PLOD2: variants seen among roughly 807,000 people sequenced by gnomAD.
The protein encoded by PLOD2 is lysine hydroxylase 2.
PLOD2 carries 65 observed loss-of-function variants against 101.0 expected under a neutral mutation model. The ratio of observed to expected loss-of-function variants is 0.64; its 90% CI spans 0.53 to 0.79. The LOEUF (loss-of-function observed/expected upper bound fraction) is 0.79. Ranked by LOEUF, PLOD2 falls within the 30% of genes least tolerant of loss-of-function variation. The pLI, the probability that PLOD2 is intolerant of heterozygous loss-of-function variation, is 0.00. For missense variants in PLOD2, 909 were observed against 914.6 expected (o/e 0.99, Z 0.08); for synonymous variants, 314 against 302.9 (o/e 1.04, Z -0.38).
intron 1 of PLOD2, among the ~76,000 whole-genome samples, chr3:146,148,338 G>GCGCACACACACACACACA (rs71633958): frequency 6.8e-6 from 1 of 146,446 alleles, no homozygotes; most frequent in African/African-American, 2.5e-5. Flanking sequence ...AGGCAGGCAC[G>GCGCACACACACACACACA]CACACACACA....
At chr3:146,148,338 G>GCACGCACGCACACACACACACA (rs1553742438) in intron 1 of PLOD2, among the ~76,000 whole-genome samples, 2 of 146,448 alleles carry the variant, frequency 1.4e-5, no homozygotes, top group Non-Finnish European at 1.5e-5. Flanking sequence ...AGGCAGGCAC[G>GCACGCACGCACACACACACACA]CACACACACA....
intron 11 of PLOD2, among the ~76,000 whole-genome samples, chr3:146,082,543 T>C (rs1244094801): frequency 6.6e-6 from 1 of 152,188 alleles, no homozygotes; most frequent in East Asian, 1.9e-4. Flanking sequence ...ATTTCACCTC[T>C]ATCTTGTGAA....
intron 3 of PLOD2, among the ~76,000 whole-genome samples, chr3:146,117,062 C>T (rs993434804): frequency 3.3e-5 from 5 of 152,042 alleles, no homozygotes; most frequent in African/African-American, 7.2e-5. Flanking sequence ...GATGACTGCA[C>T]GACTCTGTAA....
At chr3:146,124,051 T>G in intron 2 of PLOD2, 87 bp downstream of exon 2, 1 of 773,810 alleles carries the variant, frequency 1.3e-6, no homozygotes, top group Non-Finnish European at 2.3e-6. Flanking sequence ...ATCTTCCTTG[T>G]GAGGATTACA....
rs190980504 is a variant in PLOD2 at position 146,131,589 on chromosome 3, C to A, written c.110-7360G>T. ...TCATTTCCTTTAATGTGAATTATGA[C>A]CTCAGGGTCAGTCTAGCAAAGCCCA... On this transcript the variant is annotated intron_variant, in intron 1 of 19. Transcript: ENST00000282903. 1.6e-4 allele frequency among the ~76,000 whole-genome samples: 25 copies of A among 152,288 alleles called. No individual in the cohort carries two copies. The East Asian group carries it at 3.1e-3, about 19-fold the overall frequency.
intron 1 of PLOD2, among the ~76,000 whole-genome samples, chr3:146,131,478 G>A (rs994784294): frequency 6.6e-6 from 1 of 152,212 alleles, no homozygotes; most frequent in Non-Finnish European, 1.5e-5. Context: ...AAGCTAGAGA[G>A]ATATAAAAAT....
At chr3:146,147,452 AG>A (rs1435066552) in intron 1 of PLOD2, among the ~76,000 whole-genome samples, 1 of 152,206 alleles carries the variant, frequency 6.6e-6, no homozygotes, top group Non-Finnish European at 1.5e-5. Flanking sequence ...TGAAATTAGA[AG>A]TGTGCCATCA....
chr3:146,098,630 A>G (rs1937283084), intron 7 of PLOD2, among the ~76,000 whole-genome samples: 1 of 152,132 alleles, frequency 6.6e-6, no homozygotes, highest in Non-Finnish European at 1.5e-5. Flanking sequence ...ATTTTTTCCA[A>G]TGGCATAAAA....
In PLOD2 at chr3:146,100,506, C is replaced by T. The variant is rs148546083; in HGVS notation, c.777+2249G>A. 6.6e-3 allele frequency among the ~76,000 whole-genome samples: 998 copies of T among 152,230 alleles called. 6 individuals are homozygous for T. The highest frequency in any genetic ancestry group is 0.014 in the South Asian group (67 of 4,822). On this transcript the variant is annotated intron_variant, in intron 7 of 19. Transcript: ENST00000282903. ...ATACAAGAGACCCAAAAAGTAAAGA[C>T]TACACTGACACCTAAAAGATAAGAA...
At chr3:146,154,942 T>C (rs540711065) in intron 1 of PLOD2, among the ~76,000 whole-genome samples, 15 of 152,310 alleles carry the variant, frequency 9.8e-5, no homozygotes, top group African/African-American at 3.4e-4. Flanking sequence ...AATGAAAATC[T>C]TCCTTTTGTG....
Position 146,160,985 on chromosome 3 carries a change from C to T in PLOD2, c.5G>A (p.Gly2Glu). Reference protein sequence around the residue: MGGCTVKPQLLL... With the variant: MEGCTVKPQLLL... Reference sequence around the variant, plus strand: ...CAGCTGAGGCTTCACCGTGCATCCCCCCATATTCGGCCCTCGAGGGCCGCG... The same window carrying T: ...CAGCTGAGGCTTCACCGTGCATCCCTCCATATTCGGCCCTCGAGGGCCGCG... Residue 2 changes from glycine to glutamate, a missense_variant, in exon 1 of 20, where the codon GGG (glycine) becomes GAG (glutamate). By Grantham distance (98) the Gly-to-Glu change is moderately conservative (BLOSUM62 -2). Transcript: ENST00000282903. The T allele has an allele frequency of 6.3e-7, 1 of 1,577,402 alleles. No homozygotes were observed. The highest frequency in any genetic ancestry group is 2.3e-5 in the East Asian group (1 of 42,928).
chr3:146,106,697 G>A, intron 4 of PLOD2, 53 bp from the exon 5 acceptor site: 2 of 867,492 alleles, frequency 2.3e-6, no homozygotes, highest in Non-Finnish European at 4.0e-6. Flanking sequence ...GACCAAAACT[G>A]GTGTCATGTT....
chr3:146,101,259 A>G (rs932343516), intron 7 of PLOD2, among the ~76,000 whole-genome samples: 3 of 152,188 alleles, frequency 2.0e-5, no homozygotes, highest in African/African-American at 4.8e-5. Flanking sequence ...ATTACCCAAC[A>G]ATGTATATGG....
At chr3:146,110,253 G>A in intron 4 of PLOD2, 32 bp downstream of exon 4, 1 of 1,592,440 alleles carries the variant, frequency 6.3e-7, no homozygotes, top group South Asian at 1.1e-5. Flanking sequence ...TTTATAACTT[G>A]CATTAAACTT....
chr3:146,153,992 C>T (rs1211827996), intron 1 of PLOD2, among the ~76,000 whole-genome samples: 2 of 152,006 alleles, frequency 1.3e-5, no homozygotes, highest in African/African-American at 4.8e-5. Flanking sequence ...ATTAAATGAG[C>T]AGATGATTAG....
intron 1 of PLOD2, among the ~76,000 whole-genome samples, chr3:146,135,768 T>G (rs2031195544): frequency 6.6e-6 from 1 of 152,152 alleles, no homozygotes; most frequent in Non-Finnish European, 1.5e-5. Context: ...TTTTTAAAAT[T>G]TTTGTATTTC....
rs150927912 is a variant in PLOD2 at position 146,080,024 on chromosome 3, G to A, written c.1359-767C>T. 4.5e-3 allele frequency among the ~76,000 whole-genome samples: 685 copies of A among 151,998 alleles called. 3 individuals are homozygous for A. The highest frequency in any genetic ancestry group is 7.2e-3 in the Non-Finnish European group (486 of 67,900). On this transcript the variant is annotated intron_variant, in intron 12 of 19. Coordinates refer to ENST00000282903, the MANE Select transcript of PLOD2 (RefSeq NM_182943.3). ...ACAAGTTTTGCCCCTAAGACTGTGC[G>A]CCTTTCTTTTAGAGAACATCAAGGC... is the stretch of plus-strand genomic sequence containing the variant.
intron 12 of PLOD2, among the ~76,000 whole-genome samples, chr3:146,080,108 T>C (rs1246881260): frequency 6.6e-6 from 1 of 151,998 alleles, no homozygotes; most frequent in Non-Finnish European, 1.5e-5. Flanking sequence ...TATGTCTTAC[T>C]AGACTAGCCT....
chr3:146,085,198 C>G lies in PLOD2; in HGVS notation c.1203G>C (p.Arg401Ser). 1 of 1,589,468 alleles carries G rather than the reference C, an allele frequency of 6.3e-7. No homozygotes were observed. Among genetic ancestry groups the G allele is most frequent in the Non-Finnish European group, 8.6e-7 (1 of 1,158,524 alleles). The change falls in exon 11 of 20, where the codon AGG becomes AGC. Residue 401 changes from arginine (R) to serine (S), a missense_variant. Transcript: ENST00000282903. ...TTTGTTCAATCAAAATTTTTAAAGT[C>G]CTTGGATTTGTCAAAACAACATCTG... ...VDADVVLTNP[R>S]TLKILIEQNR... is the part of the protein sequence containing the mutation.
Sources: gnomAD v4.1 joint callset for allele counts (sites outside exome capture counted in the v4.1 genomes callset) on GRCh38, gnomAD v4.1.1 for gene constraint, MANE v1.5 for transcripts, NCBI Gene and HGNC (gene_info 2026-07-23, HGNC 2026-07-21) for gene names.